The following MS4A4E variants were observed in gnomAD, a reference collection of about 807,000 sequenced individuals.
MS4A4E encodes the protein membrane spanning 4-domains A4E.
In MS4A4E, 23 loss-of-function variants were observed where a neutral mutation model predicts 13.3. The observed-to-expected ratio is 1.73, with a 90% CI of 1.25 to 2.45. The LOEUF (loss-of-function observed/expected upper bound fraction) is 2.45, where lower values mean the gene tolerates loss of function less well. MS4A4E is among the 30% of genes most tolerant of loss of function. The pLI is 0.00. For synonymous variants in MS4A4E, 36 were observed against 45.6 expected (o/e 0.79, Z 0.85); for missense variants, 144 against 131.2 (o/e 1.10, Z -0.48).
chr11:60,206,489 G>GTATATATATGTATA (rs2084046492), intron 6 of MS4A4E, among the ~76,000 whole-genome samples: 18 of 97,566 alleles, frequency 1.8e-4, no homozygotes, highest in Admixed American at 1.8e-3. Flanking sequence ...ATATATATAT[G>GTATATATATGTATA]TATATATATA....
intron 1 of MS4A4E, among the ~76,000 whole-genome samples, chr11:60,230,643 T>C (rs913479582): frequency 6.6e-6 from 1 of 152,184 alleles, no homozygotes; most frequent in Admixed American, 6.5e-5. Flanking sequence ...AATTTAAATC[T>C]CTTTTCCTAT....
At position 60,239,868 on chromosome 11, in the gene MS4A4E, A is replaced by T. The variant is rs142474731; in HGVS notation, c.-17+3090T>A. Among the ~76,000 whole-genome samples the T allele has an allele frequency of 5.6e-3, 855 of 152,328 alleles. 11 individuals carry two copies. The highest frequency in any genetic ancestry group is 0.019 in the African/African-American group (788 of 41,570). ...TAGCAGGCCTTATTTTTGGTCTTAA[A>T]CTGAATCCATACCCTCAAATTTTGC... On this transcript the variant is annotated intron_variant, in intron 1 of 8. Coordinates refer to ENST00000651255, the MANE Select transcript of MS4A4E (RefSeq NM_001393391.1).
At chr11:60,221,223 A>T (rs1444611511) in intron 3 of MS4A4E, among the ~76,000 whole-genome samples, 2 of 149,172 alleles carry the variant, frequency 1.3e-5, no homozygotes, top group African/African-American at 5.0e-5. Context: ...TGAACTACCT[A>T]TCATGAATTG....
intron 1 of MS4A4E, among the ~76,000 whole-genome samples, chr11:60,240,114 A>C (rs2084530069): frequency 6.6e-6 from 1 of 152,224 alleles, no homozygotes; most frequent in South Asian, 2.1e-4. Flanking sequence ...ACTTCAGAAC[A>C]CTACAAGCAG....
rs1233939586 is a variant in MS4A4E at position 60,201,683 on chromosome 11, A to C, written c.856T>G (p.Ser286Ala). The change falls in exon 9 of 9, where the codon TCT becomes GCT. Residue 286 changes from serine (S) to alanine (A), a missense_variant. Ser to Ala is a moderately conservative substitution (Grantham distance 99). Around this residue, in one of 3 missense-constraint regions of MS4A4E, gnomAD observed 21 missense variants for 25.1 expected, o/e 0.84. Transcript: ENST00000651255. ...PPIVWDVRSP[S>A]AWLPSLESEE... ...CTTTCCAGACTGGGCAGCCAGGCAGAGGGGCTCCTCACGTCCCAGACGATA... is the reference window on the plus strand; with the variant it reads ...CTTTCCAGACTGGGCAGCCAGGCAGCGGGGCTCCTCACGTCCCAGACGATA... 1 of 264,246 alleles carries C rather than the reference A, an allele frequency of 3.8e-6. No homozygotes were observed. Among genetic ancestry groups the C allele is most frequent in the Non-Finnish European group, 7.8e-6 (1 of 128,644 alleles). The allele number at this position is 264,246 out of a possible 1,614,324, so 16.4% of individuals were successfully genotyped here.
rs1590699126 is a variant in MS4A4E, at chr11:60,201,278, G to T, written c.*265C>A. The T allele has an allele frequency of 1.3e-5, 2 of 157,170 alleles. No homozygotes were observed. Among genetic ancestry groups the T allele is most frequent in the East Asian group, 1.9e-4 (1 of 5,188 alleles). 9.7% of individuals were successfully genotyped at this position (157,170 alleles called of 1,614,324 possible). ...CACCTCCCTCCCGGATGGGGCAGCT[G>T]GCCTGGCGGGGGCTGACCCCCACCT... On this transcript the variant is annotated 3_prime_UTR_variant, in exon 9 of 9. Coordinates refer to ENST00000651255, the MANE Select transcript of MS4A4E (RefSeq NM_001393391.1).
At chr11:60,206,489 G>GTGTATATATATATGTA (rs2084046381) in intron 6 of MS4A4E, among the ~76,000 whole-genome samples, 18 of 97,566 alleles carry the variant, frequency 1.8e-4, no homozygotes, top group African/African-American at 8.1e-4. Context: ...ATATATATAT[G>GTGTATATATATATGTA]TATATATATA....
chr11:60,223,046 C>A (rs191711460), intron 3 of MS4A4E, among the ~76,000 whole-genome samples: 77 of 151,372 alleles, frequency 5.1e-4, no homozygotes, highest in Non-Finnish European at 8.6e-4. Flanking sequence ...GGTCACTCCA[C>A]CAGGAAAAAA....
chr11:60,220,647 A>G (rs1482277366), intron 3 of MS4A4E, among the ~76,000 whole-genome samples: 1 of 152,220 alleles, frequency 6.6e-6, no homozygotes. Flanking sequence ...TGCATGCCAG[A>G]GGATGGGAAA....
At chr11:60,234,277 G>A (rs1336458752) in intron 1 of MS4A4E, among the ~76,000 whole-genome samples, 1 of 152,174 alleles carries the variant, frequency 6.6e-6, no homozygotes, top group Non-Finnish European at 1.5e-5. Flanking sequence ...AAAAACTTTT[G>A]AGGCTATTGA....
At chr11:60,205,545 T>G (rs2084028039) in intron 7 of MS4A4E, among the ~76,000 whole-genome samples, 169 bp downstream of exon 7, 1 of 152,214 alleles carries the variant, frequency 6.6e-6, no homozygotes, top group Non-Finnish European at 1.5e-5. Context: ...ACCAAGAAAT[T>G]ATCATAGGTC....
chr11:60,208,323 T>C (rs748066866), intron 6 of MS4A4E, among the ~76,000 whole-genome samples: 2 of 152,166 alleles, frequency 1.3e-5, no homozygotes, highest in Non-Finnish European at 2.9e-5. Flanking sequence ...TACATTGTCA[T>C]GAGTCCTCAA....
At chr11:60,227,536 G>A (rs554325926) in intron 3 of MS4A4E, among the ~76,000 whole-genome samples, 9 of 152,024 alleles carry the variant, frequency 5.9e-5, no homozygotes, top group Non-Finnish European at 1.0e-4. Flanking sequence ...GGGTGACAGC[G>A]CCAGACTCCA....
chr11:60,206,477 A>ATATATATG, intron 6 of MS4A4E, among the ~76,000 whole-genome samples: 2 of 5,682 alleles, frequency 3.5e-4, no homozygotes, highest in Non-Finnish European at 9.7e-4. Flanking sequence ...ACACACACAT[A>ATATATATG]TATATATATA....
intron 1 of MS4A4E, among the ~76,000 whole-genome samples, chr11:60,235,567 C>T (rs2084472313): frequency 6.6e-6 from 1 of 152,180 alleles, no homozygotes; most frequent in African/African-American, 2.4e-5. Flanking sequence ...CTGTCCCTTG[C>T]ACCACCTTAC....
At chr11:60,222,492 G>A (rs1380740213) in intron 3 of MS4A4E, among the ~76,000 whole-genome samples, 1 of 152,162 alleles carries the variant, frequency 6.6e-6, no homozygotes, top group Non-Finnish European at 1.5e-5. Flanking sequence ...CAGGGCTGGG[G>A]CAATGTTCTC....
At chr11:60,230,100 G>C in intron 1 of MS4A4E, 29 bp from the exon 2 acceptor site, 1 of 1,545,508 alleles carries the variant, frequency 6.5e-7, no homozygotes, top group Non-Finnish European at 8.7e-7. Context: ...TTTAGGATGA[G>C]GTCCTGGAAA....
At chr11:60,227,893 A>G (rs1431266185) in intron 3 of MS4A4E, among the ~76,000 whole-genome samples, 1 of 152,168 alleles carries the variant, frequency 6.6e-6, no homozygotes, top group African/African-American at 2.4e-5. Flanking sequence ...CTGGACCTCC[A>G]TAGGCAAAAA....
intron 6 of MS4A4E, chr11:60,206,847 A>AT: frequency 5.2e-6 from 1 of 191,228 alleles, no homozygotes; most frequent in Admixed American, 5.5e-5. Flanking sequence ...TTCTTCTCTG[A>AT]TTCATTCTCA....
Sources: allele counts gnomAD v4.1 joint callset (sites outside exome capture counted in the v4.1 genomes callset), GRCh38; gene constraint gnomAD v4.1.1; regional missense constraint gnomAD v4.1.1; transcripts MANE v1.5; gene names NCBI Gene and HGNC (gene_info 2026-07-23, HGNC 2026-07-21).